Variants in DCAF8L2 observed in about 807,000 individuals in gnomAD.
DCAF8L2 encodes the protein DDB1 and CUL4 associated factor 8 like 2, also known as DDB1- and CUL4-associated factor 8-like protein 2.
For synonymous variants in DCAF8L2, 200 were observed against 190.9 expected (o/e 1.05, Z -0.39); for missense variants, 430 against 490.7 (o/e 0.88, Z 1.17).
rs1365390160 is a variant in DCAF8L2 at position 27,615,911 on chromosome X, G to T, written c.-341-15968G>T. Among the ~76,000 whole-genome samples the T allele has an allele frequency of 4.5e-5, 5 of 110,487 alleles. No homozygotes were observed. In the East Asian group the frequency reaches 1.4e-3, roughly 31 times the overall value. ...TTTTCCTTCATATTTCACATGTATG[G>T]CAGTGTTTTTTAATATTTTTATTTA... On this transcript the variant is annotated intron_variant, in intron 1 of 4. Transcript: ENST00000451261.
the DCAF8L2 span, among the ~76,000 whole-genome samples, chrX:27,532,210 A>G: frequency 9.0e-6 from 1 of 111,072 alleles, no homozygotes; most frequent in Non-Finnish European, 1.9e-5. Context: ...TCTTTACTAA[A>G]AGGAATAAGA....
intron 3 of DCAF8L2, among the ~76,000 whole-genome samples, chrX:27,707,162 T>A (rs1569187919): frequency 9.0e-6 from 1 of 111,255 alleles, no homozygotes. Flanking sequence ...GCATGGGGTT[T>A]CTTTCTCGGG....
chrX:27,487,791 C>T, the DCAF8L2 span, among the ~76,000 whole-genome samples: 1 of 111,949 alleles, frequency 8.9e-6, no homozygotes, highest in Middle Eastern at 4.7e-3. Flanking sequence ...CTCCTTCACA[C>T]TCACAGCCTT....
At chrX:27,605,748 A>AC (rs1306406817) in intron 1 of DCAF8L2, among the ~76,000 whole-genome samples, 1 of 111,893 alleles carries the variant, frequency 8.9e-6, no homozygotes, top group African/African-American at 3.2e-5. Flanking sequence ...AGAGCGACAT[A>AC]CCTGACTTCT....
intron 2 of DCAF8L2, among the ~76,000 whole-genome samples, chrX:27,664,513 G>A (rs769289856): frequency 1.8e-5 from 2 of 112,388 alleles, no homozygotes; most frequent in African/African-American, 6.5e-5. Flanking sequence ...TGTTGATGGA[G>A]AAGCTGCAGC....
chrX:27,508,677 C>A, the DCAF8L2 span, among the ~76,000 whole-genome samples: 13 of 103,412 alleles, frequency 1.3e-4, no homozygotes, highest in East Asian at 2.7e-3. Flanking sequence ...TTAATGAAGT[C>A]ATCAAAGGAA....
Position 27,747,165 on chromosome X carries a change from T to C in DCAF8L2, c.270T>C (p.Phe90=), listed in dbSNP as rs192908633. 4.3e-6 allele frequency: 5 copies of C among 1,164,776 alleles called. No individual in the cohort carries two copies. The East Asian group carries it at 1.6e-4, about 38-fold the overall frequency. ...TCGAACTTGAGAGCTTGGAGGACTTTGAGCATTTCCTCATGAGTGGTGAAA... is the reference window on the plus strand; with the variant it reads ...TCGAACTTGAGAGCTTGGAGGACTTCGAGCATTTCCTCATGAGTGGTGAAA... ...EDIELESLED[F]EHFLMSGESL... is the part of the protein sequence containing the mutation. Residue 90 remains phenylalanine, a synonymous_variant, in exon 5 of 5, where the codon TTT becomes TTC. Coordinates refer to ENST00000451261, the MANE Select transcript of DCAF8L2 (RefSeq NM_001353450.2).
the DCAF8L2 span, among the ~76,000 whole-genome samples, chrX:27,499,846 T>A: frequency 1.0e-5 from 1 of 99,944 alleles, no homozygotes; most frequent in Non-Finnish European, 2.1e-5. Context: ...TGGGGGGGGG[T>A]ACAGGGCCAA....
chrX:27,697,517 TG>T (rs1233744015), intron 3 of DCAF8L2, among the ~76,000 whole-genome samples: 3 of 111,494 alleles, frequency 2.7e-5, no homozygotes, highest in African/African-American at 9.9e-5. Flanking sequence ...GTTGGAGGAT[TG>T]TAACATTTTT....
intron 2 of DCAF8L2, among the ~76,000 whole-genome samples, chrX:27,670,296 A>G (rs1168436637): frequency 3.6e-5 from 4 of 111,271 alleles, no homozygotes; most frequent in African/African-American, 1.3e-4. Flanking sequence ...GCTGAACTCA[A>G]TTATGCTAAA....
At chrX:27,729,825 A>T (rs1375370599) in intron 4 of DCAF8L2, among the ~76,000 whole-genome samples, 1 of 111,990 alleles carries the variant, frequency 8.9e-6, no homozygotes, top group Non-Finnish European at 1.9e-5. Flanking sequence ...AAAGACAAGC[A>T]TTCAGTCCAC....
chrX:27,545,321 A>G, the DCAF8L2 span, among the ~76,000 whole-genome samples: 2 of 111,815 alleles, frequency 1.8e-5, no homozygotes, highest in African/African-American at 6.5e-5. Context: ...CCAGTGAATA[A>G]TAATGGAAGC....
the DCAF8L2 span, among the ~76,000 whole-genome samples, chrX:27,490,605 G>A: frequency 9.1e-6 from 1 of 110,190 alleles, no homozygotes; most frequent in Admixed American, 9.7e-5. Flanking sequence ...GGGACTACAG[G>A]CGTCGGCCAC....
At chrX:27,507,920 C>T in the DCAF8L2 span, among the ~76,000 whole-genome samples, 1 of 110,867 alleles carries the variant, frequency 9.0e-6, no homozygotes, top group African/African-American at 3.3e-5. Flanking sequence ...ATACAGGGCC[C>T]CTCCGCCTCA....
intron 2 of DCAF8L2, among the ~76,000 whole-genome samples, chrX:27,644,419 C>T (rs1441093155): frequency 9.0e-6 from 1 of 111,431 alleles, no homozygotes; most frequent in East Asian, 2.8e-4. Flanking sequence ...GTGGATGATA[C>T]ACTTAATTAC....
chrX:27,499,844 G>GC, the DCAF8L2 span, among the ~76,000 whole-genome samples: 3 of 109,822 alleles, frequency 2.7e-5, no homozygotes, highest in Admixed American at 9.8e-5. Context: ...GGTGGGGGGG[G>GC]GTACAGGGCC....
chrX:27,720,414 C>A (rs746690598), intron 4 of DCAF8L2, among the ~76,000 whole-genome samples: 8 of 110,682 alleles, frequency 7.2e-5, no homozygotes, highest in African/African-American at 2.6e-4. Flanking sequence ...TCGCCTAGGC[C>A]GGACTGCGGA....
At position 27,740,633 on chromosome X, in the gene DCAF8L2, CA is replaced by C. The variant is rs35659668; in HGVS notation, c.-58-6202del. Among the ~76,000 whole-genome samples, 849 of 111,899 alleles carry C rather than the reference CA, an allele frequency of 7.6e-3. 11 individuals carry two copies. Among genetic ancestry groups the C allele is most frequent in the African/African-American group, 0.026 (811 of 30,755 alleles). ...CAATCACAGCCTCCTTGAAGTTCCA[CA>C]AACACTCACATTGTGATCCTACTTC... is the stretch of plus-strand genomic sequence containing the variant. On this transcript the variant is annotated intron_variant, in intron 4 of 4. Transcript: ENST00000451261.
chrX:27,539,958 C>A, the DCAF8L2 span, among the ~76,000 whole-genome samples: 1 of 110,282 alleles, frequency 9.1e-6, no homozygotes, highest in Non-Finnish European at 1.9e-5. Context: ...TGTCCTTCTG[C>A]TTGCAGTTGC....
Sources: allele counts gnomAD v4.1 joint callset (sites outside exome capture counted in the v4.1 genomes callset), GRCh38; gene constraint gnomAD v4.1.1; transcripts MANE v1.5; gene names NCBI Gene and HGNC (gene_info 2026-07-23, HGNC 2026-07-21).